LCORL: variants seen among roughly 807,000 people sequenced by gnomAD.
LCORL encodes the protein ligand dependent nuclear receptor corepressor like.
LCORL carries 41 observed loss-of-function variants against 141.8 expected under a neutral mutation model. The observed-to-expected ratio is 0.29, with a 90% CI of 0.23 to 0.38. The LOEUF (loss-of-function observed/expected upper bound fraction) is 0.38. Among genes scored for constraint, LCORL ranks in the 10% least tolerant of loss-of-function variants. The pLI is 1.00. For synonymous variants in LCORL, 618 were observed against 694.1 expected (o/e 0.89, Z 1.72); for missense variants, 1,759 against 2,035.0 (o/e 0.86, Z 2.61).
intron 4 of LCORL, chr4:17,960,434 G>T (rs999287133): frequency 1.3e-5 from 2 of 154,058 alleles, no homozygotes; most frequent in African/African-American, 4.8e-5. Flanking sequence ...CATTACAAAT[G>T]ACTCAAAGGA....
intron 1 of LCORL, among the ~76,000 whole-genome samples, chr4:17,997,302 C>G (rs973299220): frequency 3.3e-5 from 5 of 152,128 alleles, no homozygotes; most frequent in Non-Finnish European, 5.9e-5. Flanking sequence ...CATTCACATT[C>G]TAATTACATT....
At chr4:17,890,736 C>G (rs1055425811) in intron 5 of LCORL, among the ~76,000 whole-genome samples, 5 of 152,052 alleles carry the variant, frequency 3.3e-5, no homozygotes, top group African/African-American at 7.2e-5. Context: ...CTATATAACA[C>G]TACCGGAATT....
intron 4 of LCORL, among the ~76,000 whole-genome samples, chr4:17,949,580 C>T (rs1739405806): frequency 6.6e-6 from 1 of 152,096 alleles, no homozygotes; most frequent in Admixed American, 6.6e-5. Context: ...TTTTCCTTTG[C>T]TTTCTTTTAC....
At chr4:17,984,205 T>A (rs1251051155) in intron 1 of LCORL, among the ~76,000 whole-genome samples, 1 of 152,212 alleles carries the variant, frequency 6.6e-6, no homozygotes, top group Admixed American at 6.5e-5. Flanking sequence ...TCTATGTTCT[T>A]CAAGGATATT....
At chr4:17,886,213 C>T (rs762515836) in intron 5 of LCORL, 52 bp from the exon 6 acceptor site, 8 of 867,350 alleles carry the variant, frequency 9.2e-6, no homozygotes, top group Non-Finnish European at 1.5e-5. Context: ...ATAGGCAATC[C>T]TTACATTTTA....
chr4:17,958,383 G>T (rs538146313), intron 4 of LCORL, among the ~76,000 whole-genome samples: 1 of 151,798 alleles, frequency 6.6e-6, no homozygotes, highest in Non-Finnish European at 1.5e-5. Context: ...CATATTATCT[G>T]TTCAATTTAG....
intron 4 of LCORL, among the ~76,000 whole-genome samples, chr4:17,926,223 T>C (rs1735119420): frequency 1.3e-5 from 2 of 152,270 alleles, no homozygotes; most frequent in African/African-American, 2.4e-5. Flanking sequence ...ATGCAAAGTA[T>C]TGTTCTTGAG....
exon 7 of LCORL, chr4:17,874,327 G>A: frequency 8.1e-7 from 1 of 1,233,884 alleles, no homozygotes. Context: ...TTTTTAAAGT[G>A]CTTTCTGAAG....
At chr4:17,841,985 A>G (rs1368119932) in exon 8 of LCORL, 2 of 217,432 alleles carry the variant, frequency 9.2e-6, no homozygotes, top group Non-Finnish European at 1.9e-5. Context: ...TAGCAATAAT[A>G]GAGGTACTTC....
chr4:17,884,731 C>A lies in LCORL; in HGVS notation c.776+1337G>T. ...ACTCAGCACTTCTTTCCACATAGTC[C>A]TCTCTGTTTCTGTGTAGTCTCCTGG... On this transcript the variant is annotated intron_variant, in intron 6 of 7. Transcript: ENST00000635767. The surrounding 1 kb of genome is among the most constrained non-coding windows in gnomAD (Gnocchi z 4.4). 6.8e-7 allele frequency: 1 copy of A among 1,480,790 alleles called. No homozygotes were observed. The highest frequency in any genetic ancestry group is 8.9e-7 in the Non-Finnish European group (1 of 1,117,360). The allele number at this position is 1,480,790 out of a possible 1,614,324, so 91.7% of individuals were successfully genotyped here. A position where few individuals can be genotyped will look rare whatever the true frequency, so the allele number is the denominator to read the frequency against.
chr4:17,975,465 G>A (rs988858457), intron 1 of LCORL, among the ~76,000 whole-genome samples: 7 of 151,276 alleles, frequency 4.6e-5, no homozygotes, highest in Non-Finnish European at 8.8e-5. Context: ...GCGTGATCTC[G>A]GCTCATTGCA....
At chr4:17,983,774 G>A (rs755548239) in intron 1 of LCORL, among the ~76,000 whole-genome samples, 26 of 152,224 alleles carry the variant, frequency 1.7e-4, no homozygotes, top group Middle Eastern at 6.8e-3. Flanking sequence ...TCTCTTGTCT[G>A]ACTACTCCGG....
intron 7 of LCORL, among the ~76,000 whole-genome samples, chr4:17,859,216 G>C (rs1401078012): frequency 1.3e-5 from 2 of 152,104 alleles, no homozygotes; most frequent in African/African-American, 2.4e-5. Flanking sequence ...CTAGCTGTAG[G>C]GTAATGTAAA....
chr4:18,000,075 AAGAC>A (rs1721668258), intron 1 of LCORL, among the ~76,000 whole-genome samples: 1 of 152,126 alleles, frequency 6.6e-6, no homozygotes, highest in Non-Finnish European at 1.5e-5. Flanking sequence ...GAACAAAACA[AAGAC>A]AGAGAGTAAC....
At chr4:17,865,331 T>A (rs750548652) in intron 7 of LCORL, among the ~76,000 whole-genome samples, 3 of 152,014 alleles carry the variant, frequency 2.0e-5, no homozygotes, top group Non-Finnish European at 2.9e-5. Context: ...GTACCAGAAA[T>A]ATATCTGAAA....
intron 1 of LCORL, among the ~76,000 whole-genome samples, chr4:17,982,808 C>G (rs1490673910): frequency 6.6e-6 from 1 of 152,164 alleles, no homozygotes; most frequent in Non-Finnish European, 1.5e-5. Flanking sequence ...ATTGCAATTA[C>G]TTTTGGCATC....
At chr4:17,927,143 C>T (rs1027778163) in intron 4 of LCORL, among the ~76,000 whole-genome samples, 14 of 152,242 alleles carry the variant, frequency 9.2e-5, no homozygotes, top group African/African-American at 3.4e-4. Flanking sequence ...CTTGCTGCTT[C>T]ACCTTGCAGT....
chr4:17,958,257 C>T (rs548354951), intron 4 of LCORL, among the ~76,000 whole-genome samples: 10 of 150,936 alleles, frequency 6.6e-5, no homozygotes, highest in South Asian at 2.1e-4. Context: ...ATTGTGGGTA[C>T]GTGAATGCTA....
At chr4:17,935,597 C>T (rs1270365023) in intron 4 of LCORL, among the ~76,000 whole-genome samples, 1 of 152,100 alleles carries the variant, frequency 6.6e-6, no homozygotes, top group Non-Finnish European at 1.5e-5. Flanking sequence ...CCCTCCCTCC[C>T]TCTTCCTTTC....
Sources: gnomAD v4.1 joint callset for allele counts (sites outside exome capture counted in the v4.1 genomes callset) on GRCh38, gnomAD v4.1.1 for gene constraint, Gnocchi (gnomAD v3.1) non-coding constraint, MANE v1.5 for transcripts, NCBI Gene and HGNC (gene_info 2026-07-23, HGNC 2026-07-21) for gene names.